The following MTFR1L variants were observed in gnomAD, a reference collection of about 807,000 sequenced individuals.
The protein encoded by MTFR1L is mitochondrial fission regulator 1 like, also known as mitochondrial fission regulator 1-like.
Under a neutral mutation model 27.9 loss-of-function variants are expected in MTFR1L, and 10 were observed. The observed-to-expected ratio is 0.36, with a 90% CI of 0.22 to 0.61. MTFR1L has a LOEUF of 0.61. Ranked by LOEUF, MTFR1L falls within the 20% of genes least tolerant of loss-of-function variation. The pLI is 0.73. For synonymous variants in MTFR1L, 151 were observed against 139.4 expected (o/e 1.08, Z -0.58); for missense variants, 315 against 363.7 (o/e 0.87, Z 1.09).
rs1298052805 is a variant in MTFR1L at position 25,826,913 on chromosome 1, A to G, written c.451+87A>G. The G allele has an allele frequency of 1.4e-6, 2 of 1,455,244 alleles. No individual in the cohort carries two copies. The highest frequency in any genetic ancestry group is 1.9e-6 in the Non-Finnish European group (2 of 1,070,654). 90.1% of individuals were successfully genotyped at this position (1,455,244 alleles called of 1,614,324 possible). ...CAGGATAGGGGTAAAGAAAGTGGTA[A>G]TCCTTGGTTTGCAGGTACTTAGGTT... is the stretch of plus-strand genomic sequence containing the variant. On this transcript the variant is annotated intron_variant, in intron 5 of 6. Transcript: ENST00000374303. The surrounding 1 kb of genome is among the most constrained non-coding windows in gnomAD (Gnocchi z 4.1).
intron 2 of MTFR1L, chr1:25,823,430 G>A (rs1459410477): frequency 1.3e-6 from 1 of 768,246 alleles, no homozygotes; most frequent in South Asian, 1.5e-5. Context: ...GACTGCCTTA[G>A]CAGCAGCAGG....
rs2048117738 is a variant in MTFR1L, at chr1:25,823,029, A to G, written c.-76A>G. 2.5e-6 allele frequency: 4 copies of G among 1,613,572 alleles called. No individual in the cohort carries two copies. Among genetic ancestry groups the G allele is most frequent in the Non-Finnish European group, 2.5e-6 (3 of 1,179,800 alleles). On this transcript the variant is annotated 5_prime_UTR_variant, in exon 2 of 7. It adds an upstream start codon to the 5' untranslated region. Coordinates refer to ENST00000374303, the MANE Select transcript of MTFR1L (RefSeq NM_001099625.2). ...CTGGTGCTCCTCCAGATGGCCTGAT[A>G]TGAAGGAGTCACGCCTCCCGCCTCC...
chr1:25,829,658 C>T lies in MTFR1L; in HGVS notation c.601C>T (p.Pro201Ser). Residue 201 changes from proline to serine, a missense_variant, in exon 6 of 7, where the codon CCA becomes TCA. Pro to Ser is a moderately conservative substitution (Grantham distance 74). Coordinates refer to ENST00000374303, the MANE Select transcript of MTFR1L (RefSeq NM_001099625.2). Reference sequence around the variant, plus strand: ...GACAGAGGTGGAGGTCCCTGAGCTTCCATCAGTCCCCCTGCTTTGTTCTGC... The same window carrying T: ...GACAGAGGTGGAGGTCCCTGAGCTTTCATCAGTCCCCCTGCTTTGTTCTGC... Reference protein sequence around the residue: ...EETEVEVPELPSVPLLCSASP... With the variant: ...EETEVEVPELSSVPLLCSASP... 4 of 1,614,220 alleles carry T rather than the reference C, an allele frequency of 2.5e-6. No homozygotes were observed. Among genetic ancestry groups the T allele is most frequent in the Non-Finnish European group, 3.4e-6 (4 of 1,180,040 alleles).
In MTFR1L at chr1:25,826,074, T is replaced by C; in HGVS notation, c.130-228T>C. 1 of 482,088 alleles carries C rather than the reference T, an allele frequency of 2.1e-6. No homozygotes were observed. The allele number at this position is 482,088 out of a possible 1,614,324, so 29.9% of individuals were successfully genotyped here. On this transcript the variant is annotated intron_variant, in intron 3 of 6. Coordinates refer to ENST00000374303, the MANE Select transcript of MTFR1L (RefSeq NM_001099625.2). The surrounding 1 kb of genome is among the most constrained non-coding windows in gnomAD (Gnocchi z 4.1). ...GATCTCAAACTCTTGGTCTCAAGCA[T>C]TCTGCCTGCCTCGGCCTCCCAAATG... is the stretch of plus-strand genomic sequence containing the variant.
At chr1:25,829,274 T>C (rs2048205856) in intron 5 of MTFR1L, among the ~76,000 whole-genome samples, 1 of 152,184 alleles carries the variant, frequency 6.6e-6, no homozygotes, top group South Asian at 2.1e-4. Flanking sequence ...GGGCTGGGTT[T>C]TCCTGCCTTC....
chr1:25,830,561 C>T (rs1350428216), intron 6 of MTFR1L, among the ~76,000 whole-genome samples: 1 of 152,178 alleles, frequency 6.6e-6, no homozygotes, highest in Non-Finnish European at 1.5e-5. Context: ...GCGGTTTCAA[C>T]AGCTGCACAG....
chr1:25,823,012 C>T lies in MTFR1L; in HGVS notation c.-86-7C>T, dbSNP rs1308425100. 2.5e-6 allele frequency: 4 copies of T among 1,608,530 alleles called. No homozygotes were observed. Among genetic ancestry groups the T allele is most frequent in the Non-Finnish European group, 3.4e-6 (4 of 1,175,528 alleles). On this transcript the variant is annotated splice_region_variant and splice_polypyrimidine_tract_variant and intron_variant, in intron 1 of 6. Coordinates refer to ENST00000374303, the MANE Select transcript of MTFR1L (RefSeq NM_001099625.2). Reference sequence around the variant, plus strand: ...TTTCACAAGAGGGAAATCTGGTGCTCCTCCAGATGGCCTGATATGAAGGAG... The same window carrying T: ...TTTCACAAGAGGGAAATCTGGTGCTTCTCCAGATGGCCTGATATGAAGGAG...
intron 1 of MTFR1L, chr1:25,820,789 CTG>C: frequency 2.3e-6 from 1 of 437,704 alleles, no homozygotes; most frequent in African/African-American, 2.1e-5. Flanking sequence ...GAAGCGCTCA[CTG>C]TGTCCTAGGC....
At position 25,829,507 on chromosome 1, in the gene MTFR1L, A is replaced by G; in HGVS notation, c.452-2A>G. On this transcript the variant is annotated splice_acceptor_variant, in intron 5 of 6. Transcript: ENST00000374303. LOFTEE classifies it high-confidence loss of function. ...ACCCATGCCTATTGTTTTCTCTTTC[A>G]GCTTCGGCTTCATTAACGCCAGATT... The G allele has an allele frequency of 6.2e-7, 1 of 1,611,850 alleles. No individual in the cohort carries two copies. Among genetic ancestry groups the G allele is most frequent in the East Asian group, 2.2e-5 (1 of 44,864 alleles).
intron 1 of MTFR1L, chr1:25,822,815 T>C (rs1406163515): frequency 3.1e-5 from 19 of 603,530 alleles, no homozygotes; most frequent in Non-Finnish European, 5.0e-5. Flanking sequence ...TGTGAGCCAC[T>C]GCGCCTGGCC....
At chr1:25,820,215 C>T (rs768305316) in intron 1 of MTFR1L, 186 bp downstream of exon 1, 35 of 455,160 alleles carry the variant, frequency 7.7e-5, no homozygotes, top group South Asian at 4.7e-4. Context: ...GGTAGTTGCT[C>T]GTCGGAGTTC....
Position 25,829,799 on chromosome 1 carries a change from G to T in MTFR1L, c.742G>T (p.Asp248Tyr). 6.2e-7 allele frequency: 1 copy of T among 1,605,018 alleles called. No homozygotes were observed. The highest frequency in any genetic ancestry group is 8.5e-7 in the Non-Finnish European group (1 of 1,179,134). ...SFADMMGILK[D>Y]FHRMKQSQDL... ...TGCAGACATGATGGGTATCCTGAAG[G>T]ACTTTCACCGAATGAAACAGAGTCA... Residue 248 changes from aspartate (D) to tyrosine (Y), a missense_variant, in exon 6 of 7, where the codon GAC (aspartate) becomes TAC (tyrosine). Coordinates refer to ENST00000374303, the MANE Select transcript of MTFR1L (RefSeq NM_001099625.2).
intron 1 of MTFR1L, chr1:25,820,920 A>G (rs1454337269): frequency 6.0e-6 from 2 of 331,834 alleles, no homozygotes; most frequent in Non-Finnish European, 1.1e-5. Context: ...CAGGGAAGGA[A>G]GGTGATGCTT....
rs769940018 is a variant in MTFR1L, at chr1:25,823,748, GGTGA to G, written c.129+3_129+6del. Reference sequence around the variant, plus strand: ...AGCCGTGTGCCCGGGCGTCCTTTGAGGTGAGTATGTTGGAAGGGCAGGAGAGTAG... The same window carrying G: ...AGCCGTGTGCCCGGGCGTCCTTTGAGGTATGTTGGAAGGGCAGGAGAGTAG... On this transcript the variant is annotated splice_donor_variant and splice_donor_region_variant and intron_variant, in intron 3 of 6. Transcript: ENST00000374303. LOFTEE classifies it high-confidence loss of function. 53 of 1,613,704 alleles carry G rather than the reference GGTGA, an allele frequency of 3.3e-5. No individual in the cohort carries two copies. The highest frequency in any genetic ancestry group is 4.4e-5 in the Non-Finnish European group (52 of 1,179,892).
chr1:25,820,238 T>C, intron 1 of MTFR1L: 4 of 455,628 alleles, frequency 8.8e-6, no homozygotes, highest in South Asian at 6.2e-5. Flanking sequence ...CAGCAAACAG[T>C]GACCAAGCCA....
intron 5 of MTFR1L, among the ~76,000 whole-genome samples, chr1:25,828,351 G>A (rs556896103): frequency 6.6e-6 from 1 of 152,366 alleles, no homozygotes; most frequent in East Asian, 1.9e-4. Context: ...GGAAGGCTGA[G>A]GTGGGTGGAT....
At chr1:25,824,614 A>G (rs1346199252) in intron 3 of MTFR1L, among the ~76,000 whole-genome samples, 1 of 152,206 alleles carries the variant, frequency 6.6e-6, no homozygotes, top group African/African-American at 2.4e-5. Context: ...ATCTGGAATT[A>G]GAAGAGGTGT....
In MTFR1L at chr1:25,826,844, A is replaced by G; in HGVS notation, c.451+18A>G. On this transcript the variant is annotated intron_variant, in intron 5 of 6. Coordinates refer to ENST00000374303, the MANE Select transcript of MTFR1L (RefSeq NM_001099625.2). This position sits in a 1 kb window ranked among gnomAD's most constrained non-coding sequence, Gnocchi z 4.1. ...TGATGCAGGTAGGAGCCCCTGTGCC[A>G]GGGCCAGAACGTAACAGGCTGTTCC... The G allele has an allele frequency of 6.2e-7, 1 of 1,612,398 alleles. No homozygotes were observed. Among genetic ancestry groups the G allele is most frequent in the East Asian group, 2.2e-5 (1 of 44,842 alleles).
intron 1 of MTFR1L, 88 bp from the exon 2 acceptor site, chr1:25,822,931 G>T: frequency 2.7e-6 from 3 of 1,121,864 alleles, no homozygotes; most frequent in Non-Finnish European, 4.0e-6. Context: ...GGCTCTGCAG[G>T]GCCTGGTTTT....
Sources: gnomAD v4.1 joint callset for allele counts (sites outside exome capture counted in the v4.1 genomes callset) on GRCh38, gnomAD v4.1.1 for gene constraint, Gnocchi (gnomAD v3.1) non-coding constraint, MANE v1.5 for transcripts, NCBI Gene and HGNC (gene_info 2026-07-23, HGNC 2026-07-21) for gene names.